The following SMG1 variants were observed in gnomAD, a reference collection of about 807,000 sequenced individuals.
The protein encoded by SMG1 is serine/threonine-protein kinase SMG1.
In SMG1, 22 loss-of-function variants were observed where a neutral mutation model predicts 419.9. The ratio of observed to expected loss-of-function variants is 0.05; its 90% CI spans 0.04 to 0.07. The LOEUF (loss-of-function observed/expected upper bound fraction) is 0.07. Among genes scored for constraint, SMG1 ranks in the 10% least tolerant of loss-of-function variants. The probability of loss-of-function intolerance (pLI) is 1.00; values close to 1 mark genes in which losing one functional copy is unlikely to be tolerated. For missense variants in SMG1, 3,185 were observed against 4,342.0 expected, an observed-to-expected ratio of 0.73 and a Z score of 7.49; for synonymous variants, 1,538 against 1,553.5, an observed-to-expected ratio of 0.99 and a Z score of 0.23.
intron 4 of SMG1, among the ~76,000 whole-genome samples, chr16:18,891,410 T>C (rs2036870758): frequency 6.6e-6 from 1 of 151,954 alleles, no homozygotes; most frequent in Non-Finnish European, 1.5e-5. Flanking sequence ...CCATTTTCAT[T>C]AATTTTCTCC....
intron 23 of SMG1, among the ~76,000 whole-genome samples, chr16:18,865,145 T>G (rs1362967392): frequency 6.6e-6 from 1 of 152,162 alleles, no homozygotes; most frequent in East Asian, 1.9e-4. Context: ...ATCTTAGTAT[T>G]TCATAAAATT....
At chr16:18,812,232 A>C (rs1232652584) in intron 60 of SMG1, 105 bp from the exon 61 acceptor site, 4 of 1,042,398 alleles carry the variant, frequency 3.8e-6, no homozygotes, top group Non-Finnish European at 5.6e-6. Flanking sequence ...CCCCAATTAA[A>C]TAATCAACTA....
intron 50 of SMG1, among the ~76,000 whole-genome samples, 163 bp downstream of exon 50, chr16:18,834,041 T>G (rs1311526694): frequency 1.3e-5 from 2 of 152,182 alleles, no homozygotes; most frequent in Admixed American, 6.5e-5. Context: ...AAAGAGCAAC[T>G]GTAACCAAGT....
chr16:18,889,494 T>C lies in SMG1; in HGVS notation c.700A>G (p.Lys234Glu), dbSNP rs1038538126. 1.7e-6 allele frequency: 1 copy of C among 595,008 alleles called. No individual in the cohort carries two copies. Among genetic ancestry groups the C allele is most frequent in the Non-Finnish European group, 2.9e-6 (1 of 342,782 alleles). The allele number at this position is 595,008 out of a possible 1,614,324, so 36.9% of individuals were successfully genotyped here. A position where few individuals can be genotyped will look rare whatever the true frequency, so the allele number is the denominator to read the frequency against. Residue 234 changes from lysine (K) to glutamate (E), a missense_variant, in exon 6 of 63, where the codon AAG becomes GAG. By Grantham distance (56) the Lys-to-Glu change is moderately conservative. Coordinates refer to ENST00000446231, the MANE Select transcript of SMG1 (RefSeq NM_015092.5). ...GAGCTAAATTTGCTAAAAATCCACT[T>C]GAAGATCTTCTCAGCCTCATAGCTC... ...SLSYEAEKIFKWIFSKFSSSA... is the reference protein window; with the variant it reads ...SLSYEAEKIFEWIFSKFSSSA...
Position 18,839,733 on chromosome 16 carries a change from A to G in SMG1, c.6910T>C (p.Cys2304Arg), listed in dbSNP as rs747695500. 2 of 1,614,044 alleles carry G rather than the reference A, an allele frequency of 1.2e-6. No homozygotes were observed. Among genetic ancestry groups the G allele is most frequent in the South Asian group, 1.1e-5 (1 of 91,082 alleles). ...CTCCACCATTCATCAGGTGTTGTGC[A>G]AGATGACCAGAGCTCTTTGGCAAGG... is the stretch of plus-strand genomic sequence containing the variant. ...NLLAKELWSS[C>R]TTPDEWWRVT... The change falls in exon 42 of 63, where the codon TGC (cysteine) becomes CGC (arginine). Residue 2304 changes from cysteine to arginine, a missense_variant. Physicochemically the swap from Cys to Arg is radical, Grantham distance 180. Transcript: ENST00000446231.
intron 1 of SMG1, among the ~76,000 whole-genome samples, chr16:18,914,832 T>C (rs986464276): frequency 3.3e-5 from 5 of 152,064 alleles, no homozygotes; most frequent in Non-Finnish European, 5.9e-5. Flanking sequence ...GCTTAAATAA[T>C]GTAGACAGAT....
chr16:18,839,922 G>C lies in SMG1; in HGVS notation c.6721C>G (p.Gln2241Glu). Reference sequence around the variant, plus strand: ...GGACGGGGTACAATTCCAGGATTCTGAGGAGTTTGGTAGGAATCTTGGGCC... The same window carrying C: ...GGACGGGGTACAATTCCAGGATTCTCAGGAGTTTGGTAGGAATCTTGGGCC... ...QKAQDSYQTP[Q>E]NPGIVPRPSE... The change falls in exon 42 of 63, where the codon CAG becomes GAG. Residue 2241 changes from glutamine (Q) to glutamate (E), a missense_variant. Around this residue, in one of 27 missense-constraint regions of SMG1, gnomAD observed 132 missense variants for 151.0 expected, o/e 0.87. Coordinates refer to ENST00000446231, the MANE Select transcript of SMG1 (RefSeq NM_015092.5). The C allele has an allele frequency of 6.3e-7, 1 of 1,599,908 alleles. No individual in the cohort carries two copies. The highest frequency in any genetic ancestry group is 1.1e-5 in the South Asian group (1 of 89,358).
intron 1 of SMG1, among the ~76,000 whole-genome samples, chr16:18,906,497 G>A (rs2037568593): frequency 6.6e-6 from 1 of 152,126 alleles, no homozygotes; most frequent in East Asian, 1.9e-4. Context: ...TCGGGGTGGG[G>A]TGGGGAAGAT....
chr16:18,921,452 A>C (rs1461313116), intron 1 of SMG1, among the ~76,000 whole-genome samples: 1 of 152,154 alleles, frequency 6.6e-6, no homozygotes. Flanking sequence ...CTCTCCCCTC[A>C]AGTAAAATAG....
intron 3 of SMG1, among the ~76,000 whole-genome samples, chr16:18,894,158 A>G (rs1469987791): frequency 2.0e-5 from 3 of 152,120 alleles, no homozygotes; most frequent in Admixed American, 2.0e-4. Flanking sequence ...GGAGAGGATC[A>G]AGAGAAACAA....
chr16:18,894,677 A>AT (rs1201726696), intron 3 of SMG1, among the ~76,000 whole-genome samples: 2 of 110,906 alleles, frequency 1.8e-5, no homozygotes, highest in Non-Finnish European at 3.8e-5. Flanking sequence ...CACACACAGT[A>AT]TTAAAAAAAA....
intron 29 of SMG1, among the ~76,000 whole-genome samples, chr16:18,855,572 A>T (rs1317341867): frequency 6.6e-6 from 1 of 152,022 alleles, no homozygotes; most frequent in African/African-American, 2.4e-5. Flanking sequence ...CCACCCTCCA[A>T]ATCTTTTACT....
Position 18,882,166 on chromosome 16 carries a change from T to C in SMG1, c.1292A>G (p.Asp431Gly). 1 of 1,563,418 alleles carries C rather than the reference T, an allele frequency of 6.4e-7. No homozygotes were observed. Among genetic ancestry groups the C allele is most frequent in the Non-Finnish European group, 8.6e-7 (1 of 1,156,774 alleles). Residue 431 changes from aspartate (D) to glycine (G), a missense_variant and splice_region_variant, in exon 10 of 63, where the codon GAT (aspartate) becomes GGT (glycine). Physicochemically the swap from Asp to Gly is moderately conservative, Grantham distance 94. This residue lies in a region of SMG1 where 52 missense variants were observed against 69.0 expected (regional missense o/e 0.75). Transcript: ENST00000446231. ...GPPITEAYVTDVLYRVMRCVT... is the reference protein window; with the variant it reads ...GPPITEAYVTGVLYRVMRCVT... ...CTTGAAATGCCCAAAAGCACTTACA[T>C]CTGTTACATATGCCTCAGTAATTGG... is the stretch of plus-strand genomic sequence containing the variant.
chr16:18,870,715 T>C lies in SMG1; in HGVS notation c.2391-4A>G, dbSNP rs1199723959. 1 of 1,604,644 alleles carries C rather than the reference T, an allele frequency of 6.2e-7. No homozygotes were observed. The highest frequency in any genetic ancestry group is 8.5e-7 in the Non-Finnish European group (1 of 1,175,738). ...AACACGGCAAACATCGACACATCTA[T>C]GAAAGAACGAAATAGACAAAGCAGG... is the stretch of plus-strand genomic sequence containing the variant. On this transcript the variant is annotated splice_polypyrimidine_tract_variant and splice_region_variant and intron_variant, in intron 17 of 62. Coordinates refer to ENST00000446231, the MANE Select transcript of SMG1 (RefSeq NM_015092.5).
At chr16:18,919,991 T>G (rs1234188910) in intron 1 of SMG1, among the ~76,000 whole-genome samples, 1 of 151,714 alleles carries the variant, frequency 6.6e-6, no homozygotes, top group South Asian at 2.1e-4. Context: ...CTCGGGAGGC[T>G]GAGGCACGTG....
At chr16:18,883,918 C>CA (rs66595727) in intron 9 of SMG1, among the ~76,000 whole-genome samples, 152 bp downstream of exon 9, 17,119 of 96,642 alleles carry the variant, frequency 0.18, 1,096 homozygotes, top group Middle Eastern at 0.31. Context: ...GACTCCATCT[C>CA]AAAAAAAAAA....
At chr16:18,827,905 A>T in intron 55 of SMG1, 126 bp downstream of exon 55, 2 of 712,538 alleles carry the variant, frequency 2.8e-6, no homozygotes, top group Non-Finnish European at 4.0e-6. Flanking sequence ...GAAAAAAATT[A>T]TGCTCTTCTG....
chr16:18,924,338 T>C (rs2038308935), intron 1 of SMG1, among the ~76,000 whole-genome samples: 1 of 152,272 alleles, frequency 6.6e-6, no homozygotes, highest in African/African-American at 2.4e-5. Flanking sequence ...CTTCTCTATT[T>C]ATTTAGAACT....
intron 3 of SMG1, among the ~76,000 whole-genome samples, chr16:18,894,459 A>C (rs1410782713): frequency 2.0e-5 from 3 of 152,152 alleles, no homozygotes; most frequent in East Asian, 3.8e-4. Flanking sequence ...TTTGAAGAAG[A>C]GGAATTGTTT....
Sources: gnomAD v4.1 joint callset for allele counts (sites outside exome capture counted in the v4.1 genomes callset) on GRCh38, gnomAD v4.1.1 for gene constraint, gnomAD v4.1.1 regional missense constraint, MANE v1.5 for transcripts, NCBI Gene and HGNC (gene_info 2026-07-23, HGNC 2026-07-21) for gene names.